The following NEGR1 variants were observed in gnomAD, a reference collection of about 807,000 sequenced individuals.
NEGR1 encodes neuronal growth regulator 1.
NEGR1 carries 10 observed loss-of-function variants against 40.9 expected under a neutral mutation model. The ratio of observed to expected loss-of-function variants is 0.24; its 90% CI spans 0.15 to 0.42. NEGR1 has a LOEUF of 0.42. Ranked by LOEUF, NEGR1 falls within the 10% of genes least tolerant of loss-of-function variation. NEGR1 has a pLI of 1.00. For missense variants in NEGR1, 352 were observed against 438.9 expected (o/e 0.80, Z 1.77); for synonymous variants, 185 against 166.8 (o/e 1.11, Z -0.84).
chr1:72,089,502 A>G (rs1648378888), intron 1 of NEGR1, among the ~76,000 whole-genome samples: 1 of 152,218 alleles, frequency 6.6e-6, no homozygotes, highest in South Asian at 2.1e-4. Context: ...CGTATAAAGT[A>G]ACACCAATAT....
chr1:71,589,464 C>T (rs1649425850), intron 6 of NEGR1, among the ~76,000 whole-genome samples: 1 of 152,134 alleles, frequency 6.6e-6, no homozygotes, highest in South Asian at 2.1e-4. Flanking sequence ...CCATTCTGGA[C>T]TTTATACCCA....
At chr1:71,916,099 ATTG>A (rs1280403659) in intron 2 of NEGR1, among the ~76,000 whole-genome samples, 9 of 152,050 alleles carry the variant, frequency 5.9e-5, no homozygotes, top group East Asian at 1.9e-4. Context: ...GGGCAGAAGG[ATTG>A]TTGCCCTGGG....
In NEGR1 at chr1:72,186,090, CA is replaced by C. The variant is rs1652601868; in HGVS notation, c.176+96228del. 2.0e-5 allele frequency among the ~76,000 whole-genome samples: 3 copies of C among 151,778 alleles called. No individual in the cohort carries two copies. In the South Asian group the frequency reaches 6.2e-4, roughly 31 times the overall value. Reference sequence around the variant, plus strand: ...AGCTATTACTCATTCTGTAATTTGTCAACCCTCAAATTTGTAAAGGAAATAG... The same window carrying C: ...AGCTATTACTCATTCTGTAATTTGTCACCCTCAAATTTGTAAAGGAAATAG... On this transcript the variant is annotated intron_variant, in intron 1 of 6. Coordinates refer to ENST00000357731, the MANE Select transcript of NEGR1 (RefSeq NM_173808.3).
At chr1:71,925,801 C>T (rs1645767196) in intron 2 of NEGR1, among the ~76,000 whole-genome samples, 1 of 151,852 alleles carries the variant, frequency 6.6e-6, no homozygotes, top group East Asian at 1.9e-4. Context: ...GTTATTTCAC[C>T]AGACATAGGT....
chr1:71,921,661 T>C (rs1337896669), intron 2 of NEGR1, among the ~76,000 whole-genome samples: 2 of 146,884 alleles, frequency 1.4e-5, no homozygotes, highest in Non-Finnish European at 3.0e-5. Context: ...AGTATAAGAA[T>C]ATATATAGAA....
Position 72,282,417 on chromosome 1 carries a change from G to A in NEGR1, c.78C>T (p.Cys26=). The A allele has an allele frequency of 1.2e-6, 2 of 1,613,784 alleles. No homozygotes were observed. The highest frequency in any genetic ancestry group is 1.7e-5 in the Admixed American group (1 of 59,980). Residue 26 remains cysteine, a synonymous_variant, in exon 1 of 7, where the codon TGC becomes TGT. Coordinates refer to ENST00000357731, the MANE Select transcript of NEGR1 (RefSeq NM_173808.3). ...WLAAVLLSLC[C]LLPSCLPAGQ... Reference sequence around the variant, plus strand: ...CAGCCGGGAGGCAGGAGGGTAGCAGGCAGCACAGGCTGAGGAGCACCGCCG... The same window carrying A: ...CAGCCGGGAGGCAGGAGGGTAGCAGACAGCACAGGCTGAGGAGCACCGCCG...
chr1:72,150,655 T>C (rs796226051), intron 1 of NEGR1, among the ~76,000 whole-genome samples: 5 of 152,236 alleles, frequency 3.3e-5, no homozygotes, highest in African/African-American at 1.2e-4. Flanking sequence ...TTTTAATTTA[T>C]GGAAAAGCCT....
chr1:71,890,040 C>T (rs1362863559), intron 2 of NEGR1, among the ~76,000 whole-genome samples: 2 of 89,846 alleles, frequency 2.2e-5, no homozygotes, highest in Non-Finnish European at 4.3e-5. Flanking sequence ...CACCACCAGG[C>T]CTGCCCTAAA....
At chr1:71,694,456 T>G (rs72678915) in intron 4 of NEGR1, among the ~76,000 whole-genome samples, 8,951 of 151,760 alleles carry the variant, frequency 0.059, 370 homozygotes, top group Non-Finnish European at 0.082. Flanking sequence ...GCTTAAAAAT[T>G]TCTTTCTATC....
chr1:71,977,508 C>A (rs2100331523), intron 1 of NEGR1, among the ~76,000 whole-genome samples: 1 of 152,064 alleles, frequency 6.6e-6, no homozygotes, highest in East Asian at 1.9e-4. Context: ...GAGTGTATCT[C>A]AACAATGATT....
intron 1 of NEGR1, among the ~76,000 whole-genome samples, chr1:72,077,970 A>G (rs1647822675): frequency 6.6e-6 from 1 of 152,210 alleles, no homozygotes; most frequent in African/African-American, 2.4e-5. Flanking sequence ...AATAATTTCA[A>G]ATAATCAGAA....
In NEGR1 at chr1:72,259,544, C is replaced by T. The variant is rs528424854; in HGVS notation, c.176+22775G>A. On this transcript the variant is annotated intron_variant, in intron 1 of 6. Transcript: ENST00000357731. ...GATAGTGGTTTTTAGTATTTAAAAGCTACATCTCAAAATCAGAGGGAAAGT... is the reference window on the plus strand; with the variant it reads ...GATAGTGGTTTTTAGTATTTAAAAGTTACATCTCAAAATCAGAGGGAAAGT... Among the ~76,000 whole-genome samples the T allele has an allele frequency of 4.1e-4, 62 of 152,118 alleles. 1 individual carries two copies. The South Asian group carries it at 0.011, about 26-fold the overall frequency.
At chr1:72,034,173 T>C (rs1380124746) in intron 1 of NEGR1, among the ~76,000 whole-genome samples, 2 of 152,330 alleles carry the variant, frequency 1.3e-5, no homozygotes, top group East Asian at 1.9e-4. Flanking sequence ...TATAAAATTA[T>C]CTTCAGAATC....
At position 71,568,543 on chromosome 1, in the gene NEGR1, T is replaced by G. The variant is rs888021774; in HGVS notation, c.940+24274A>C. 2.0e-5 allele frequency among the ~76,000 whole-genome samples: 3 copies of G among 152,204 alleles called. No individual in the cohort carries two copies. In the South Asian group the frequency reaches 6.2e-4, roughly 32 times the overall value. ...AATCAAGTATTTATTGAAGTTACCATGTGACAAGTTCTGGTTGAGTATTGA... is the reference window on the plus strand; with the variant it reads ...AATCAAGTATTTATTGAAGTTACCAGGTGACAAGTTCTGGTTGAGTATTGA... On this transcript the variant is annotated intron_variant, in intron 6 of 6. Transcript: ENST00000357731.
At chr1:72,247,067 G>GGCCT (rs1004461813) in intron 1 of NEGR1, among the ~76,000 whole-genome samples, 1 of 152,156 alleles carries the variant, frequency 6.6e-6, no homozygotes, top group Non-Finnish European at 1.5e-5. Context: ...GGCTGCATAG[G>GGCCT]GCAGAAGGAC....
intron 3 of NEGR1, among the ~76,000 whole-genome samples, chr1:71,762,666 A>G (rs1445815907): frequency 6.6e-6 from 1 of 152,186 alleles, no homozygotes; most frequent in African/African-American, 2.4e-5. Context: ...CAAGGACACT[A>G]TGCTGAATAT....
intron 4 of NEGR1, among the ~76,000 whole-genome samples, chr1:71,660,615 A>G (rs1652022268): frequency 6.6e-6 from 1 of 152,202 alleles, no homozygotes; most frequent in African/African-American, 2.4e-5. Flanking sequence ...TCTGAAAACA[A>G]AAACAGAAAC....
rs35201330 is a variant in NEGR1 at position 71,451,333 on chromosome 1, A to ATTTTTTTTTTT, written c.941-43774_941-43764dup. On this transcript the variant is annotated intron_variant, in intron 6 of 6. Coordinates refer to ENST00000357731, the MANE Select transcript of NEGR1 (RefSeq NM_173808.3). Reference sequence around the variant, plus strand: ...TGAGAGGCACACAGTAGTGCTACAGATTTTTTTTTTTTTTTTTGAGTCAAA... The same window carrying ATTTTTTTTTTT: ...TGAGAGGCACACAGTAGTGCTACAGATTTTTTTTTTTTTTTTTTTTTTTTTTTTGAGTCAAA... 6.1e-4 allele frequency among the ~76,000 whole-genome samples: 85 copies of ATTTTTTTTTTT among 138,342 alleles called. 1 individual carries two copies. The highest frequency in any genetic ancestry group is 2.3e-3 in the African/African-American group (84 of 36,644). The allele number at this position is 138,342 out of a possible 152,430, so 90.8% of individuals were successfully genotyped here. A position where few individuals can be genotyped will look rare whatever the true frequency, so the allele number is the denominator to read the frequency against.
chr1:71,757,493 C>T (rs1188442957), intron 3 of NEGR1, among the ~76,000 whole-genome samples: 2 of 152,048 alleles, frequency 1.3e-5, no homozygotes, highest in African/African-American at 4.8e-5. Flanking sequence ...AGACTTGGTT[C>T]CTTTATTCTA....
Sources: gnomAD v4.1 joint callset for allele counts (sites outside exome capture counted in the v4.1 genomes callset) on GRCh38, gnomAD v4.1.1 for gene constraint, MANE v1.5 for transcripts, NCBI Gene and HGNC (gene_info 2026-07-23, HGNC 2026-07-21) for gene names.